The following WWOX variants were observed in gnomAD, a reference collection of about 807,000 sequenced individuals.
The protein encoded by WWOX is WW domain-containing oxidoreductase.
WWOX carries 69 observed loss-of-function variants against 46.2 expected under a neutral mutation model. The ratio of observed to expected loss-of-function variants is 1.49; its 90% confidence interval spans 1.23 to 1.82. WWOX has a LOEUF of 1.82. Ranked by LOEUF, WWOX falls within the 40% of genes most tolerant of loss-of-function variation. The pLI is 0.00. For synonymous variants in WWOX, 359 were observed against 202.6 expected, an observed-to-expected ratio of 1.77 and a Z score of -6.56; for missense variants, 919 against 542.6, an observed-to-expected ratio of 1.69 and a Z score of -6.89.
intron 4 of WWOX, among the ~76,000 whole-genome samples, chr16:78,163,325 C>T (rs80061648): frequency 1.3e-5 from 2 of 152,298 alleles, no homozygotes; most frequent in African/African-American, 4.8e-5. Flanking sequence ...TGAGTTTCCA[C>T]TCTTGTGAAG....
intron 8 of WWOX, among the ~76,000 whole-genome samples, chr16:78,538,325 T>C (rs1342213226): frequency 2.0e-5 from 3 of 148,998 alleles, no homozygotes; most frequent in South Asian, 2.2e-4. Flanking sequence ...CAGATAGCAA[T>C]ATCTAGGCAC....
intron 8 of WWOX, among the ~76,000 whole-genome samples, chr16:79,096,963 A>T (rs756146951): frequency 6.6e-6 from 1 of 152,096 alleles, no homozygotes; most frequent in South Asian, 2.1e-4. Flanking sequence ...GGGGGCCAGG[A>T]AGAAGCCAGG....
chr16:78,732,292 TG>T (rs1449542745), intron 8 of WWOX, among the ~76,000 whole-genome samples: 4 of 152,140 alleles, frequency 2.6e-5, no homozygotes, highest in South Asian at 2.1e-4. Flanking sequence ...CTCTCACTCA[TG>T]GGATGCTTAC....
chr16:78,758,063 A>G (rs2049700104), intron 8 of WWOX, among the ~76,000 whole-genome samples: 1 of 152,294 alleles, frequency 6.6e-6, no homozygotes, highest in Non-Finnish European at 1.5e-5. Context: ...TATTATTATT[A>G]ATATTTAAAA....
At chr16:78,879,219 A>C (rs1369534079) in intron 8 of WWOX, among the ~76,000 whole-genome samples, 1 of 152,190 alleles carries the variant, frequency 6.6e-6, no homozygotes, top group East Asian at 1.9e-4. Flanking sequence ...ACATCTGGAA[A>C]AAGAGCTGGT....
chr16:79,055,043 A>C, intron 8 of WWOX, among the ~76,000 whole-genome samples: 1 of 152,212 alleles, frequency 6.6e-6, no homozygotes, highest in East Asian at 1.9e-4. Context: ...GAGTTTATAT[A>C]TTTCGTCAGA....
chr16:78,666,280 C>T (rs2047331463), intron 8 of WWOX, among the ~76,000 whole-genome samples: 1 of 151,936 alleles, frequency 6.6e-6, no homozygotes, highest in Non-Finnish European at 1.5e-5. Context: ...CAGAGCAAGA[C>T]ACTGTCTCTT....
At chr16:78,569,658 C>T (rs756827168) in intron 8 of WWOX, among the ~76,000 whole-genome samples, 50 of 152,202 alleles carry the variant, frequency 3.3e-4, no homozygotes, top group Non-Finnish European at 6.0e-4. Flanking sequence ...GTAGACATAA[C>T]ATTTTTATTA....
At chr16:78,528,727 G>T (rs866007905) in intron 8 of WWOX, among the ~76,000 whole-genome samples, 5 of 151,842 alleles carry the variant, frequency 3.3e-5, no homozygotes, top group African/African-American at 1.2e-4. Context: ...AAATTTGGCC[G>T]GTGAAAATGA....
At chr16:79,089,490 C>T (rs142691061) in intron 8 of WWOX, among the ~76,000 whole-genome samples, 1 of 152,010 alleles carries the variant, frequency 6.6e-6, no homozygotes, top group Non-Finnish European at 1.5e-5. Context: ...CGCCACCACG[C>T]CTGGCTAATT....
intron 8 of WWOX, among the ~76,000 whole-genome samples, chr16:78,626,054 G>T (rs894802530): frequency 6.6e-6 from 1 of 151,580 alleles, no homozygotes; most frequent in South Asian, 2.1e-4. Flanking sequence ...TTATCATATT[G>T]CCTTAGGTTT....
chr16:78,472,456 T>G (rs530829184), intron 8 of WWOX, among the ~76,000 whole-genome samples: 1 of 152,196 alleles, frequency 6.6e-6, no homozygotes, highest in Non-Finnish European at 1.5e-5. Context: ...CTAATTTCTC[T>G]TGCTTTTCTC....
intron 8 of WWOX, among the ~76,000 whole-genome samples, chr16:78,705,005 A>G (rs2048302411): frequency 6.6e-6 from 1 of 151,480 alleles, no homozygotes; most frequent in African/African-American, 2.4e-5. Flanking sequence ...TAACATTTCT[A>G]GAAGTGCAAC....
chr16:78,778,816 G>A (rs2050255060), intron 8 of WWOX, among the ~76,000 whole-genome samples: 1 of 152,166 alleles, frequency 6.6e-6, no homozygotes, highest in South Asian at 2.1e-4. Context: ...AAAGGGAACT[G>A]TGTTCGCCAG....
chr16:78,922,293 C>T (rs1481537176), intron 8 of WWOX, among the ~76,000 whole-genome samples: 1 of 151,930 alleles, frequency 6.6e-6, no homozygotes, highest in Non-Finnish European at 1.5e-5. Flanking sequence ...TCCTAAATCA[C>T]ATTAAGAGTC....
intron 8 of WWOX, among the ~76,000 whole-genome samples, chr16:79,098,500 C>A (rs894673794): frequency 1.3e-5 from 2 of 152,360 alleles, no homozygotes; most frequent in Non-Finnish European, 1.5e-5. Context: ...TCTTCTTCAC[C>A]CCTTCCCTGG....
intron 8 of WWOX, among the ~76,000 whole-genome samples, chr16:78,605,371 A>G (rs2045730421): frequency 6.6e-6 from 1 of 152,016 alleles, no homozygotes; most frequent in African/African-American, 2.4e-5. Context: ...TAAAAAAAAA[A>G]AAATCCAGGT....
chr16:79,191,593 A>G (rs2051138011), intron 8 of WWOX, among the ~76,000 whole-genome samples: 1 of 152,220 alleles, frequency 6.6e-6, no homozygotes, highest in South Asian at 2.1e-4. Flanking sequence ...ATTACTGATG[A>G]TCATTTGAGA....
chr16:78,546,227 G>C (rs966063849), intron 8 of WWOX, among the ~76,000 whole-genome samples: 9 of 152,128 alleles, frequency 5.9e-5, no homozygotes, highest in African/African-American at 2.2e-4. Flanking sequence ...CCTTGTGTAG[G>C]AGCTAGAGAA....
Sources: gnomAD v4.1 joint callset for allele counts (sites outside exome capture counted in the v4.1 genomes callset) on GRCh38, gnomAD v4.1.1 for gene constraint, MANE v1.5 for transcripts, NCBI Gene and HGNC (gene_info 2026-07-23, HGNC 2026-07-21) for gene names.